NSMAF: variants seen among roughly 807,000 people sequenced by gnomAD.
NSMAF encodes the protein neutral sphingomyelinase activation associated factor.
NSMAF carries 90 observed loss-of-function variants against 134.9 expected under a neutral mutation model. That is an observed-to-expected ratio of 0.67 (90% CI 0.56 to 0.79). The LOEUF (loss-of-function observed/expected upper bound fraction) is 0.79. Among genes scored for constraint, NSMAF ranks in the 30% least tolerant of loss-of-function variants. The pLI, the probability that NSMAF is intolerant of heterozygous loss-of-function variation, is 0.00. For synonymous variants in NSMAF, 358 were observed against 389.6 expected, an observed-to-expected ratio of 0.92 and a Z score of 0.96; for missense variants, 1,010 against 1,119.0, an observed-to-expected ratio of 0.90 and a Z score of 1.39.
At chr8:58,655,211 A>G (rs1242099931) in intron 1 of NSMAF, among the ~76,000 whole-genome samples, 2 of 152,064 alleles carry the variant, frequency 1.3e-5, no homozygotes, top group Admixed American at 6.6e-5. Flanking sequence ...AGTTCAAACG[A>G]TCTTTGTGCC....
rs74444047 is a variant in NSMAF, at chr8:58,586,209, T to C, written c.2447-209A>G. 4.7e-3 allele frequency: 2,957 copies of C among 628,164 alleles called. 78 individuals carry two copies. The African/African-American group carries it at 0.05, about 11-fold the overall frequency. 38.9% of individuals were successfully genotyped at this position (628,164 alleles called of 1,614,324 possible). On this transcript the variant is annotated intron_variant, in intron 28 of 30. Coordinates refer to ENST00000038176, the MANE Select transcript of NSMAF (RefSeq NM_003580.4). ...AGATGACCCTTTGATTATGAGTTCA[T>C]TTTTATCTTAAATTAATTTCTCTAA...
At chr8:58,585,819 C>G in intron 29 of NSMAF, 58 bp from the exon 30 acceptor site, 1 of 1,584,778 alleles carries the variant, frequency 6.3e-7, no homozygotes, top group Non-Finnish European at 8.7e-7. Context: ...ATATGTTGAA[C>G]TGGCCAATGT....
At position 58,649,350 on chromosome 8, in the gene NSMAF, C is replaced by T. The variant is rs117475935; in HGVS notation, c.60-6277G>A. ...AGATCAACTGTTTTGATTTTACAGG[C>T]TCATAGGTGGAAAGAGATAGGTGTA... On this transcript the variant is annotated intron_variant, in intron 1 of 30. Coordinates refer to ENST00000038176, the MANE Select transcript of NSMAF (RefSeq NM_003580.4). 4.8e-3 allele frequency among the ~76,000 whole-genome samples: 733 copies of T among 152,258 alleles called. 5 individuals are homozygous for T. The highest frequency in any genetic ancestry group is 0.011 in the Admixed American group (174 of 15,298).
chr8:58,643,761 C>T (rs1248515004), intron 1 of NSMAF, among the ~76,000 whole-genome samples: 2 of 152,138 alleles, frequency 1.3e-5, no homozygotes, highest in African/African-American at 2.4e-5. Context: ...GAACTCCCAA[C>T]CTCACGTAAT....
chr8:58,594,831 C>T (rs1312359832), intron 22 of NSMAF: 2 of 155,424 alleles, frequency 1.3e-5, no homozygotes, highest in African/African-American at 2.4e-5. Context: ...CCTTGTTTCT[C>T]TTCGGGAGGC....
At chr8:58,585,319 T>TG (rs796516422) in intron 30 of NSMAF, among the ~76,000 whole-genome samples, 1 of 149,736 alleles carries the variant, frequency 6.7e-6, no homozygotes, top group African/African-American at 2.5e-5. Flanking sequence ...GTTTCTGGGT[T>TG]TTTTTTTTTT....
intron 1 of NSMAF, among the ~76,000 whole-genome samples, chr8:58,655,908 A>T (rs1048863092): frequency 2.5e-5 from 3 of 121,296 alleles, no homozygotes; most frequent in East Asian, 2.0e-4. Context: ...CCGTCTCAAT[A>T]AAAAAAAACA....
intron 9 of NSMAF, among the ~76,000 whole-genome samples, chr8:58,618,437 C>T (rs1806713369): frequency 6.6e-6 from 1 of 150,986 alleles, no homozygotes; most frequent in Non-Finnish European, 1.5e-5. Flanking sequence ...GGAATTATTG[C>T]TAATGGAATA....
intron 1 of NSMAF, among the ~76,000 whole-genome samples, chr8:58,658,675 C>G (rs187724893): frequency 2.0e-5 from 3 of 152,210 alleles, no homozygotes; most frequent in Non-Finnish European, 4.4e-5. Context: ...CCCCCCTTTC[C>G]TTTTGGCATC....
At chr8:58,623,053 T>G (rs956671265) in intron 9 of NSMAF, among the ~76,000 whole-genome samples, 167 bp downstream of exon 9, 7 of 151,950 alleles carry the variant, frequency 4.6e-5, no homozygotes, top group Admixed American at 4.6e-4. Flanking sequence ...TGGAGAAGAG[T>G]TGAGGAAGCG....
intron 9 of NSMAF, among the ~76,000 whole-genome samples, chr8:58,622,936 T>C (rs963922417): frequency 6.6e-6 from 1 of 152,076 alleles, no homozygotes; most frequent in East Asian, 1.9e-4. Flanking sequence ...TGTGCTAGTG[T>C]TCTGGGTGGG....
In NSMAF at chr8:58,605,034, C is replaced by T. The variant is rs1806372461; in HGVS notation, c.868+893G>A. On this transcript the variant is annotated intron_variant, in intron 12 of 30. Coordinates refer to ENST00000038176, the MANE Select transcript of NSMAF (RefSeq NM_003580.4). ...TGCTGGGATTACAGTCATGAGCCAC[C>T]ATGCCTAGCCCCAAAATCCATTTTT... Among the ~76,000 whole-genome samples, 2 of 152,186 alleles carry T rather than the reference C, an allele frequency of 1.3e-5. 1 individual carries two copies. The highest frequency in any genetic ancestry group is 4.1e-4 in the South Asian group (2 of 4,830).
rs1339507873 is a variant in NSMAF at position 58,589,814 on chromosome 8, C to A, written c.2087+193G>T. ...TTTAAAACTTAGAGAAAAACAGACT[C>A]CAATTGGAGAAATTATTCAATCTAA... On this transcript the variant is annotated intron_variant, in intron 25 of 30. Coordinates refer to ENST00000038176, the MANE Select transcript of NSMAF (RefSeq NM_003580.4). 13 of 588,502 alleles carry A rather than the reference C, an allele frequency of 2.2e-5. No individual in the cohort carries two copies. In the South Asian group the frequency reaches 3.6e-4, roughly 16 times the overall value. The allele number at this position is 588,502 out of a possible 1,614,324, so 36.5% of individuals were successfully genotyped here.
At chr8:58,623,447 G>A in intron 7 of NSMAF, 23 bp from the exon 8 acceptor site, 1 of 1,607,414 alleles carries the variant, frequency 6.2e-7, no homozygotes, top group Non-Finnish European at 8.5e-7. Flanking sequence ...AAACAGACAT[G>A]AATTTATTTT....
chr8:58,645,185 A>G (rs1164539008), intron 1 of NSMAF, among the ~76,000 whole-genome samples: 1 of 152,120 alleles, frequency 6.6e-6, no homozygotes, highest in East Asian at 1.9e-4. Context: ...GAGGGTGGTT[A>G]AAAGTGAATG....
intron 2 of NSMAF, among the ~76,000 whole-genome samples, chr8:58,637,036 A>ACC (rs767986867): frequency 2.3e-3 from 352 of 151,442 alleles, no homozygotes; most frequent in Non-Finnish European, 4.0e-3. Flanking sequence ...ACACACACAC[A>ACC]CACACCCACA....
chr8:58,587,991 A>G (rs1264800353), intron 26 of NSMAF, among the ~76,000 whole-genome samples: 2 of 152,216 alleles, frequency 1.3e-5, no homozygotes, highest in African/African-American at 4.8e-5. Context: ...GAAGTATTAC[A>G]GTGTCTTGAG....
rs1288436937 is a variant in NSMAF at position 58,585,862 on chromosome 8, TA to T, written c.2549+35del. Reference sequence around the variant, plus strand: ...AATGAAGTGATCATGAACATGTCTGTAAATGTCTTCGCCCCCAGTAACTCAC... The same window carrying T: ...AATGAAGTGATCATGAACATGTCTGTAATGTCTTCGCCCCCAGTAACTCAC... On this transcript the variant is annotated intron_variant, in intron 29 of 30. Coordinates refer to ENST00000038176, the MANE Select transcript of NSMAF (RefSeq NM_003580.4). The T allele has an allele frequency of 1.9e-6, 3 of 1,591,998 alleles. No individual in the cohort carries two copies. The African/African-American group carries it at 4.0e-5, about 21-fold the overall frequency.
rs146013099 is a variant in NSMAF, at chr8:58,613,837, C to T, written c.558-4104G>A. On this transcript the variant is annotated intron_variant, in intron 9 of 30. Coordinates refer to ENST00000038176, the MANE Select transcript of NSMAF (RefSeq NM_003580.4). Reference sequence around the variant, plus strand: ...TGTTTGTATCATATCGGTGTGCCTCCCTAATCACAAAATCTGAAATCTGAA... The same window carrying T: ...TGTTTGTATCATATCGGTGTGCCTCTCTAATCACAAAATCTGAAATCTGAA... Among the ~76,000 whole-genome samples the T allele has an allele frequency of 1.1e-3, 164 of 152,218 alleles. 1 individual carries two copies. Among genetic ancestry groups the T allele is most frequent in the African/African-American group, 3.7e-3 (154 of 41,522 alleles).
Sources: allele counts gnomAD v4.1 joint callset (sites outside exome capture counted in the v4.1 genomes callset), GRCh38; gene constraint gnomAD v4.1.1; transcripts MANE v1.5; gene names NCBI Gene and HGNC (gene_info 2026-07-23, HGNC 2026-07-21).